The following SOCS6 variants were observed in gnomAD, a reference collection of about 807,000 sequenced individuals.
SOCS6 encodes the protein suppressor of cytokine signaling 6, also known as STAT induced STAT inhibitor-4.
Under a neutral mutation model 27.7 loss-of-function variants are expected in SOCS6, and 5 were observed. That is an observed-to-expected ratio of 0.18 (90% confidence interval 0.09 to 0.38). SOCS6 has a LOEUF of 0.38. Ranked by LOEUF, SOCS6 falls within the 10% of genes least tolerant of loss-of-function variation. The probability of loss-of-function intolerance (pLI) is 1.00; values close to 1 mark genes in which losing one functional copy is unlikely to be tolerated. For synonymous variants in SOCS6, 271 were observed against 260.0 expected, an observed-to-expected ratio of 1.04 and a Z score of -0.41; for missense variants, 595 against 688.1, an observed-to-expected ratio of 0.86 and a Z score of 1.51.
At chr18:70,313,076 G>C (rs916197786) in intron 1 of SOCS6, among the ~76,000 whole-genome samples, 2 of 152,056 alleles carry the variant, frequency 1.3e-5, no homozygotes, top group African/African-American at 4.8e-5. Context: ...CACCACACCG[G>C]GTCCATGGAT....
chr18:70,299,739 T>C (rs991696800), intron 1 of SOCS6, among the ~76,000 whole-genome samples: 4 of 152,174 alleles, frequency 2.6e-5, no homozygotes, highest in Admixed American at 1.3e-4. Flanking sequence ...CCCAAAGATA[T>C]AGGAACTGTG....
In SOCS6 at chr18:70,326,530, C is replaced by G. The variant is rs1217589453; in HGVS notation, c.*254C>G. 6.7e-6 allele frequency: 3 copies of G among 450,676 alleles called. No individual in the cohort carries two copies. The highest frequency in any genetic ancestry group is 8.1e-6 in the Non-Finnish European group (2 of 246,090). 27.9% of individuals were successfully genotyped at this position (450,676 alleles called of 1,614,324 possible). A position where few individuals can be genotyped will look rare whatever the true frequency, so the allele number is the denominator to read the frequency against. On this transcript the variant is annotated 3_prime_UTR_variant, in exon 2 of 2. Coordinates refer to ENST00000397942, the MANE Select transcript of SOCS6 (RefSeq NM_004232.4). Reference sequence around the variant, plus strand: ...GTTTCATCAATGTGCAGAATAATCACAATGTGAATTATCAAATTCTCCTCA... The same window carrying G: ...GTTTCATCAATGTGCAGAATAATCAGAATGTGAATTATCAAATTCTCCTCA...
Position 70,328,941 on chromosome 18 carries a change from T to C in SOCS6, c.*2665T>C, listed in dbSNP as rs1440860991. ...ACATAGATGACATGGACACAGCCTA[T>C]GAGTGCTTTTTAAATACGTGCTTCT... On this transcript the variant is annotated 3_prime_UTR_variant, in exon 2 of 2. Transcript: ENST00000397942. 1 of 167,080 alleles carries C rather than the reference T, an allele frequency of 6.0e-6. No individual in the cohort carries two copies. The highest frequency in any genetic ancestry group is 1.5e-5 in the Non-Finnish European group (1 of 68,108). The allele number at this position is 167,080 out of a possible 1,614,324, so 10.3% of individuals were successfully genotyped here.
chr18:70,300,869 A>G (rs2062345401), intron 1 of SOCS6, among the ~76,000 whole-genome samples: 1 of 152,178 alleles, frequency 6.6e-6, no homozygotes, highest in Admixed American at 6.5e-5. Flanking sequence ...CAATTTGGCT[A>G]TATTTAACTT....
At chr18:70,309,205 C>T (rs981747145) in intron 1 of SOCS6, among the ~76,000 whole-genome samples, 14 of 152,074 alleles carry the variant, frequency 9.2e-5, no homozygotes, top group Admixed American at 7.9e-4. Flanking sequence ...ATTTGAATTT[C>T]ATATAATTTC....
intron 1 of SOCS6, among the ~76,000 whole-genome samples, chr18:70,290,608 C>T (rs1172437874): frequency 1.3e-5 from 2 of 152,152 alleles, no homozygotes; most frequent in African/African-American, 4.8e-5. Context: ...TTCAAACACC[C>T]TCCCTAAGCC....
At chr18:70,309,803 C>G (rs12458758) in intron 1 of SOCS6, among the ~76,000 whole-genome samples, 1 of 151,976 alleles carries the variant, frequency 6.6e-6, no homozygotes, top group African/African-American at 2.4e-5. Context: ...CCTACCTTGG[C>G]CTCCCGATTA....
rs983771160 is a variant in SOCS6 at position 70,328,004 on chromosome 18, G to T, written c.*1728G>T. On this transcript the variant is annotated 3_prime_UTR_variant, in exon 2 of 2. Transcript: ENST00000397942. ...TGGTATTTTGACTTAAAGGGGAAAA[G>T]GTACTTAATTTTGGTGGGATGTTGA... 1.2e-5 allele frequency: 2 copies of T among 166,918 alleles called. No homozygotes were observed. The highest frequency in any genetic ancestry group is 2.9e-5 in the Non-Finnish European group (2 of 68,080). 10.3% of individuals were successfully genotyped at this position (166,918 alleles called of 1,614,324 possible). A position where few individuals can be genotyped will look rare whatever the true frequency, so the allele number is the denominator to read the frequency against.
chr18:70,305,003 G>T (rs985004807), intron 1 of SOCS6, among the ~76,000 whole-genome samples: 1 of 152,032 alleles, frequency 6.6e-6, no homozygotes, highest in Admixed American at 6.5e-5. Context: ...TCAGGAGTTC[G>T]AGACCAGTCT....
At chr18:70,306,358 G>C (rs1212180629) in intron 1 of SOCS6, among the ~76,000 whole-genome samples, 1 of 151,240 alleles carries the variant, frequency 6.6e-6, no homozygotes, top group Non-Finnish European at 1.5e-5. Context: ...CTACTGGGGA[G>C]GCTACTGGGG....
rs1911218876 is a variant in SOCS6 at position 70,326,581 on chromosome 18, T to C, written c.*305T>C. ...ATGCCCCCCCCGCCCAGTCCTTTGC[T>C]GCTATCCACTGTGATTTTTATGCAT... On this transcript the variant is annotated 3_prime_UTR_variant, in exon 2 of 2. Transcript: ENST00000397942. 3.3e-6 allele frequency: 1 copy of C among 303,612 alleles called. No individual in the cohort carries two copies. Among genetic ancestry groups the C allele is most frequent in the Non-Finnish European group, 6.4e-6 (1 of 155,078 alleles). 18.8% of individuals were successfully genotyped at this position (303,612 alleles called of 1,614,324 possible).
In SOCS6 at chr18:70,324,302, A is replaced by AAATAATAATAATAATAAT. The variant is rs560395562; in HGVS notation, c.-126-235_-126-218dup. On this transcript the variant is annotated intron_variant, in intron 1 of 1. Transcript: ENST00000397942. ...GGGCGAAAGAGTGAGACTCATCTCA[A>AAATAATAATAATAATAAT]AATAATAATAATAATAATAATAAAG... Among the ~76,000 whole-genome samples the AAATAATAATAATAATAAT allele has an allele frequency of 7.7e-3, 1,151 of 150,280 alleles. 10 individuals carry two copies. The highest frequency in any genetic ancestry group is 0.027 in the African/African-American group (1,097 of 40,096).
Position 70,327,706 on chromosome 18 carries a change from C to G in SOCS6, c.*1430C>G, listed in dbSNP as rs1048715146. Reference sequence around the variant, plus strand: ...ATGGATGTAGTATTTTGGGATTGCCCTGTCCAGAAAATTTTCAGCTACACA... The same window carrying G: ...ATGGATGTAGTATTTTGGGATTGCCGTGTCCAGAAAATTTTCAGCTACACA... On this transcript the variant is annotated 3_prime_UTR_variant, in exon 2 of 2. Coordinates refer to ENST00000397942, the MANE Select transcript of SOCS6 (RefSeq NM_004232.4). The G allele has an allele frequency of 1.2e-5, 2 of 166,914 alleles. No individual in the cohort carries two copies. The highest frequency in any genetic ancestry group is 4.8e-5 in the African/African-American group (2 of 41,410). 10.3% of individuals were successfully genotyped at this position (166,914 alleles called of 1,614,324 possible).
intron 1 of SOCS6, among the ~76,000 whole-genome samples, chr18:70,289,807 C>T (rs978307917): frequency 3.9e-5 from 6 of 152,170 alleles, no homozygotes; most frequent in African/African-American, 1.2e-4. Context: ...GGAATTTAAA[C>T]CGCTCCTGGG....
At chr18:70,300,751 A>G (rs939130408) in intron 1 of SOCS6, among the ~76,000 whole-genome samples, 3 of 152,218 alleles carry the variant, frequency 2.0e-5, no homozygotes, top group Non-Finnish European at 4.4e-5. Flanking sequence ...TCAATAGCCT[A>G]TAAAGTAGGA....
chr18:70,325,472 G>A lies in SOCS6; in HGVS notation c.804G>A (p.Gln268=). The part of the protein sequence containing the change: ...GGRAFPEDES[Q]VDQDLVVAPE... Reference sequence around the variant, plus strand: ...GCGCTTTCCCCGAGGATGAGAGTCAGGTAGACCAGGACCTAGTTGTCGCCC... The same window carrying A: ...GCGCTTTCCCCGAGGATGAGAGTCAAGTAGACCAGGACCTAGTTGTCGCCC... The change falls in exon 2 of 2, where the codon CAG becomes CAA. Residue 268 remains glutamine, a synonymous_variant. Coordinates refer to ENST00000397942, the MANE Select transcript of SOCS6 (RefSeq NM_004232.4). This position sits in a 1 kb window ranked among gnomAD's most constrained non-coding sequence, Gnocchi z 6.3. 1 of 1,614,176 alleles carries A rather than the reference G, an allele frequency of 6.2e-7. No homozygotes were observed. Among genetic ancestry groups the A allele is most frequent in the Non-Finnish European group, 8.5e-7 (1 of 1,180,044 alleles).
intron 1 of SOCS6, among the ~76,000 whole-genome samples, chr18:70,303,247 CT>C (rs2062356314): frequency 6.6e-6 from 1 of 152,122 alleles, no homozygotes; most frequent in Non-Finnish European, 1.5e-5. Context: ...TTATTTATAA[CT>C]CTGTATAAAT....
At chr18:70,312,343 C>G (rs1600160160) in intron 1 of SOCS6, among the ~76,000 whole-genome samples, 4 of 151,800 alleles carry the variant, frequency 2.6e-5, no homozygotes, top group Admixed American at 2.6e-4. Flanking sequence ...TCAATTAATG[C>G]AATAAGGAAC....
chr18:70,289,516 T>C (rs1458440091), intron 1 of SOCS6, among the ~76,000 whole-genome samples: 1 of 146,450 alleles, frequency 6.8e-6, no homozygotes, highest in Non-Finnish European at 1.5e-5. Flanking sequence ...AGGCCGGGGC[T>C]CCGCGAGGCC....
Sources: allele counts gnomAD v4.1 joint callset (sites outside exome capture counted in the v4.1 genomes callset), GRCh38; gene constraint gnomAD v4.1.1; non-coding constraint Gnocchi (gnomAD v3.1); transcripts MANE v1.5; gene names NCBI Gene and HGNC (gene_info 2026-07-23, HGNC 2026-07-21).